Variants in AP3B1 observed in about 807,000 individuals in gnomAD.
The protein encoded by AP3B1 is adaptor related protein complex 3 subunit beta 1, also known as AP-3 complex subunit beta-1.
A neutral mutation model predicts 132.5 loss-of-function variants in AP3B1; 61 were observed. The ratio of observed to expected loss-of-function variants is 0.46; its 90% CI spans 0.37 to 0.57. AP3B1 has a LOEUF of 0.57. AP3B1 is among the 20% of genes least tolerant of loss of function. The pLI is 0.00. For missense variants in AP3B1, 1,120 were observed against 1,289.4 expected (o/e 0.87, Z 2.01); for synonymous variants, 388 against 438.3 (o/e 0.89, Z 1.43).
intron 22 of AP3B1, among the ~76,000 whole-genome samples, chr5:78,080,361 TC>T (rs1258284402): frequency 6.6e-6 from 1 of 152,232 alleles, no homozygotes; most frequent in Non-Finnish European, 1.5e-5. Context: ...TATTTCCAGT[TC>T]ATTCATTTTA....
chr5:78,245,681 C>T (rs1174809725), intron 2 of AP3B1, among the ~76,000 whole-genome samples: 3 of 152,126 alleles, frequency 2.0e-5, no homozygotes, highest in African/African-American at 7.2e-5. Flanking sequence ...AAATAACATA[C>T]TTCTCCCACC....
intron 24 of AP3B1, among the ~76,000 whole-genome samples, chr5:78,031,348 G>A (rs1747568199): frequency 1.3e-5 from 2 of 152,158 alleles, no homozygotes; most frequent in African/African-American, 2.4e-5. Flanking sequence ...ACCAGCAAAC[G>A]TGACACTGGC....
chr5:78,034,951 A>G (rs1383868454), intron 23 of AP3B1, among the ~76,000 whole-genome samples: 1 of 151,916 alleles, frequency 6.6e-6, no homozygotes, highest in Non-Finnish European at 1.5e-5. Flanking sequence ...ATTAAGATGC[A>G]CTCAGAAATT....
intron 5 of AP3B1, 116 bp downstream of exon 5, chr5:78,227,256 G>T: frequency 2.0e-6 from 2 of 983,294 alleles, no homozygotes; most frequent in Non-Finnish European, 3.2e-6. Flanking sequence ...ACAGTCACTG[G>T]ATTTACTTAG....
In AP3B1 at chr5:78,244,202, C is replaced by T. The variant is rs550751971; in HGVS notation, c.205-3266G>A. Reference sequence around the variant, plus strand: ...TGAGGCCAGGAGTTTGTGACCAGCCCGGCCAACATGCTGAAACCCTGTCTC... The same window carrying T: ...TGAGGCCAGGAGTTTGTGACCAGCCTGGCCAACATGCTGAAACCCTGTCTC... On this transcript the variant is annotated intron_variant, in intron 2 of 26. Transcript: ENST00000255194. Among the ~76,000 whole-genome samples the T allele has an allele frequency of 3.3e-5, 5 of 152,116 alleles. No homozygotes were observed. In the East Asian group the frequency reaches 7.7e-4, roughly 24 times the overall value.
chr5:78,074,670 C>T lies in AP3B1; in HGVS notation c.2577+14723G>A, dbSNP rs138317080. The stretch of plus-strand genomic sequence containing the variant: ...AATTTTTTTAAAGATAGTTCTTCAC[C>T]GGGCACGGTGGCTCATGCCTGTAAT... On this transcript the variant is annotated intron_variant, in intron 22 of 26. Transcript: ENST00000255194. Among the ~76,000 whole-genome samples the T allele has an allele frequency of 8.9e-3, 1,357 of 152,172 alleles. 17 individuals are homozygous for T. Among genetic ancestry groups the T allele is most frequent in the African/African-American group, 0.031 (1,284 of 41,508 alleles).
chr5:78,228,840 G>T (rs1254602649), intron 3 of AP3B1, among the ~76,000 whole-genome samples: 2 of 152,198 alleles, frequency 1.3e-5, no homozygotes, highest in African/African-American at 4.8e-5. Flanking sequence ...GATATTTTCA[G>T]TCCAGTAAGA....
intron 22 of AP3B1, among the ~76,000 whole-genome samples, chr5:78,048,644 A>G (rs1214534160): frequency 6.6e-6 from 1 of 152,218 alleles, no homozygotes; most frequent in African/African-American, 2.4e-5. Context: ...AAAAAATAAT[A>G]AAGCAAATTT....
At chr5:78,078,441 T>G (rs1034901856) in intron 22 of AP3B1, among the ~76,000 whole-genome samples, 1 of 152,246 alleles carries the variant, frequency 6.6e-6, no homozygotes, top group African/African-American at 2.4e-5. Context: ...AATATGGCTT[T>G]CAACCAGTAG....
In AP3B1 at chr5:78,103,479, A is replaced by T. The variant is rs561416309; in HGVS notation, c.2398-2454T>A. Reference sequence around the variant, plus strand: ...CGATTTTATTTCTTACCCTCCCAATATTTATACAAAACCATCATCGACAAA... The same window carrying T: ...CGATTTTATTTCTTACCCTCCCAATTTTTATACAAAACCATCATCGACAAA... On this transcript the variant is annotated intron_variant, in intron 20 of 26. Transcript: ENST00000255194. Among the ~76,000 whole-genome samples, 11 of 152,300 alleles carry T rather than the reference A, an allele frequency of 7.2e-5. No individual in the cohort carries two copies. The South Asian group carries it at 2.3e-3, about 32-fold the overall frequency.
Position 78,106,133 on chromosome 5 carries a change from T to C in AP3B1, c.2397+4074A>G, listed in dbSNP as rs569969552. 1.1e-4 allele frequency among the ~76,000 whole-genome samples: 17 copies of C among 152,284 alleles called. No individual in the cohort carries two copies. In the South Asian group the frequency reaches 3.3e-3, roughly 30 times the overall value. On this transcript the variant is annotated intron_variant, in intron 20 of 26. Coordinates refer to ENST00000255194, the MANE Select transcript of AP3B1 (RefSeq NM_003664.5). The stretch of plus-strand genomic sequence containing the variant: ...AATAGGAAAGAATACAGAGTGTTAA[T>C]AGAACCACAAATATTCCACTGGGAT...
chr5:78,110,075 G>A, intron 20 of AP3B1, 132 bp downstream of exon 20: 1 of 774,748 alleles, frequency 1.3e-6, no homozygotes, highest in East Asian at 2.8e-5. Context: ...TAGCATTTCT[G>A]CAGAGTTGGG....
At chr5:78,227,348 G>C (rs754555122) in intron 5 of AP3B1, 24 bp downstream of exon 5, 2 of 1,607,480 alleles carry the variant, frequency 1.2e-6, no homozygotes, top group African/African-American at 2.7e-5. Context: ...GAGATCTTTG[G>C]TATATTGTTA....
chr5:78,206,028 C>T (rs1188661016), intron 7 of AP3B1, among the ~76,000 whole-genome samples: 6 of 151,796 alleles, frequency 4.0e-5, no homozygotes, highest in Non-Finnish European at 8.8e-5. Flanking sequence ...TTCTTTAAAG[C>T]GTTTCACAAA....
intron 15 of AP3B1, among the ~76,000 whole-genome samples, chr5:78,138,177 A>AT (rs1347649209): frequency 2.0e-5 from 3 of 152,204 alleles, no homozygotes; most frequent in African/African-American, 7.2e-5. Context: ...TTTAAAACTA[A>AT]TTTTCAGGCT....
At chr5:78,094,157 C>T (rs1290784291) in intron 21 of AP3B1, among the ~76,000 whole-genome samples, 1 of 152,148 alleles carries the variant, frequency 6.6e-6, no homozygotes, top group East Asian at 1.9e-4. Context: ...TTGTGATCGT[C>T]CTACTGAGAG....
At chr5:78,283,893 T>C (rs1359677407) in intron 1 of AP3B1, among the ~76,000 whole-genome samples, 1 of 152,216 alleles carries the variant, frequency 6.6e-6, no homozygotes, top group Non-Finnish European at 1.5e-5. Context: ...CAAACCTTCA[T>C]GATAAAATCC....
At chr5:78,170,170 G>T (rs1743850814) in intron 11 of AP3B1, among the ~76,000 whole-genome samples, 1 of 152,068 alleles carries the variant, frequency 6.6e-6, no homozygotes. Context: ...TGGACATCTG[G>T]GTTGCTTCCA....
chr5:78,013,842 T>A (rs1746726974), intron 26 of AP3B1, among the ~76,000 whole-genome samples: 3 of 152,076 alleles, frequency 2.0e-5, no homozygotes, highest in Non-Finnish European at 4.4e-5. Context: ...CCATCCTATG[T>A]GAGATAGATA....
Sources: allele counts gnomAD v4.1 joint callset (sites outside exome capture counted in the v4.1 genomes callset), GRCh38; gene constraint gnomAD v4.1.1; transcripts MANE v1.5; gene names NCBI Gene and HGNC (gene_info 2026-07-23, HGNC 2026-07-21).